LRRC66: variants seen among roughly 807,000 people sequenced by gnomAD.
The protein encoded by LRRC66 is leucine rich repeat containing 66, also known as leucine-rich repeat-containing protein 66.
Under a neutral mutation model 24.6 loss-of-function variants are expected in LRRC66, and 29 were observed. The observed-to-expected ratio is 1.18, with a 90% CI of 0.88 to 1.61. The LOEUF (loss-of-function observed/expected upper bound fraction) is 1.61, where lower values mean the gene tolerates loss of function less well. Among genes scored for constraint, LRRC66 ranks in the 40% most tolerant of loss-of-function variants. LRRC66 has a pLI of 0.00. For missense variants in LRRC66, 1,124 were observed against 1,058.0 expected, an observed-to-expected ratio of 1.06 and a Z score of -0.87; for synonymous variants, 411 against 397.6, an observed-to-expected ratio of 1.03 and a Z score of -0.40.
At position 51,995,908 on chromosome 4, in the gene LRRC66, G is replaced by T; in HGVS notation, c.1114C>A (p.Pro372Thr). 1 of 1,614,112 alleles carries T rather than the reference G, an allele frequency of 6.2e-7. No homozygotes were observed. The highest frequency in any genetic ancestry group is 1.1e-5 in the South Asian group (1 of 91,080). Residue 372 changes from proline to threonine, a missense_variant, in exon 5 of 5, where the codon CCC (proline) becomes ACC (threonine). Physicochemically the swap from Pro to Thr is conservative, Grantham distance 38 (BLOSUM62 -1). Transcript: ENST00000682860. ...CACACCGCCAGAGCCAGGTCCTGGG[G>T]AGCGTCCTCTTTTTTGCCGGCAGCC... Reference protein sequence around the residue: ...VQAAGKKEDAPQDLALAVCLS... With the variant: ...VQAAGKKEDATQDLALAVCLS...
At chr4:52,005,524 C>T (rs2030335) in intron 2 of LRRC66, among the ~76,000 whole-genome samples, 132,465 of 151,408 alleles carry the variant, frequency 0.87, 58,076 homozygotes, top group East Asian at 0.95. Context: ...GAGGCAGGGG[C>T]TGCAGTGAGC....
At position 51,994,325 on chromosome 4, in the gene LRRC66, G is replaced by A; in HGVS notation, c.*54C>T. 2 of 1,483,706 alleles carry A rather than the reference G, an allele frequency of 1.3e-6. No individual in the cohort carries two copies. The allele number at this position is 1,483,706 out of a possible 1,614,324, so 91.9% of individuals were successfully genotyped here. The stretch of plus-strand genomic sequence containing the variant: ...GAAGGCTTTAGTTTTCCCCTGCCAT[G>A]ATCTTTAAAAGAATATTGTTTAGAG... On this transcript the variant is annotated 3_prime_UTR_variant, in exon 5 of 5. Transcript: ENST00000682860.
rs1009660797 is a variant in LRRC66, at chr4:51,997,838, A to T, written c.766T>A (p.Trp256Arg). The part of the protein sequence containing the change: ...HLVVDLADNN[W>R]QCDDSVAVFQ... ...ACTGCCACACTATCATCACACTGCC[A>T]GTTATTATCAGCCAAGTCAACCACT... The change falls in exon 4 of 5, where the codon TGG (tryptophan) becomes AGG (arginine). Residue 256 changes from tryptophan to arginine, a missense_variant. Transcript: ENST00000682860. 10 of 1,614,002 alleles carry T rather than the reference A, an allele frequency of 6.2e-6. No individual in the cohort carries two copies. The African/African-American group carries it at 9.3e-5, about 15-fold the overall frequency.
At chr4:52,014,201 G>A (rs575952779) in intron 2 of LRRC66, among the ~76,000 whole-genome samples, 10 of 152,310 alleles carry the variant, frequency 6.6e-5, no homozygotes, top group East Asian at 5.8e-4. Flanking sequence ...GCGGGGAGCC[G>A]AGATCGTGCC....
At position 51,994,054 on chromosome 4, in the gene LRRC66, T is replaced by C. The variant is rs911882631; in HGVS notation, c.*325A>G. On this transcript the variant is annotated 3_prime_UTR_variant, in exon 5 of 5. Transcript: ENST00000682860. ...AACCTATTGATGAAGTGCTCCTGTG[T>C]TCTCAGTGAACTGGTTTTGTTTGGA... 2 of 238,868 alleles carry C rather than the reference T, an allele frequency of 8.4e-6. No individual in the cohort carries two copies. The highest frequency in any genetic ancestry group is 1.6e-5 in the Non-Finnish European group (2 of 123,942). The allele number at this position is 238,868 out of a possible 1,614,324, so 14.8% of individuals were successfully genotyped here. A position where few individuals can be genotyped will look rare whatever the true frequency, so the allele number is the denominator to read the frequency against.
At chr4:52,006,926 C>T (rs750748463) in intron 2 of LRRC66, among the ~76,000 whole-genome samples, 5 of 151,912 alleles carry the variant, frequency 3.3e-5, no homozygotes, top group Non-Finnish European at 1.5e-5. Flanking sequence ...CCAACAACAC[C>T]ATGGTAGGTG....
At chr4:51,997,627 T>TA in intron 4 of LRRC66, 121 bp downstream of exon 4, 1 of 836,270 alleles carries the variant, frequency 1.2e-6, no homozygotes, top group Non-Finnish European at 2.0e-6. Flanking sequence ...CAAGACTGAC[T>TA]AATGCCAAGG....
intron 1 of LRRC66, 187 bp from the exon 2 acceptor site, chr4:52,017,805 TA>T: frequency 1.0e-6 from 1 of 985,374 alleles, no homozygotes; most frequent in Non-Finnish European, 1.2e-6. Flanking sequence ...AGCCATAGTA[TA>T]AAATTACATT....
chr4:51,995,912 G>A lies in LRRC66; in HGVS notation c.1110C>T (p.Asp370=), dbSNP rs776537625. The change falls in exon 5 of 5, where the codon GAC becomes GAT. Residue 370 remains aspartate, a synonymous_variant. Coordinates refer to ENST00000682860, the MANE Select transcript of LRRC66 (RefSeq NM_001024611.3). ...CCGCCAGAGCCAGGTCCTGGGGAGC[G>A]TCCTCTTTTTTGCCGGCAGCCTGCA... The part of the protein sequence containing the change: ...RDVQAAGKKE[D]APQDLALAVC... The A allele has an allele frequency of 6.2e-7, 1 of 1,614,068 alleles. No individual in the cohort carries two copies. The highest frequency in any genetic ancestry group is 8.5e-7 in the Non-Finnish European group (1 of 1,180,020).
At chr4:52,013,842 ATCTC>A (rs1254465136) in intron 2 of LRRC66, among the ~76,000 whole-genome samples, 4 of 152,352 alleles carry the variant, frequency 2.6e-5, no homozygotes, top group South Asian at 2.1e-4. Flanking sequence ...GCTTTCTGAG[ATCTC>A]TCTAATTTAT....
At chr4:52,018,503 A>C in intron 1 of LRRC66, 9 of 985,334 alleles carry the variant, frequency 9.1e-6, no homozygotes, top group Non-Finnish European at 1.1e-5. Context: ...TTCTGTTCTA[A>C]TGGCACTCAG....
At chr4:52,018,352 T>C (rs1007489625) in intron 1 of LRRC66, 57 of 984,618 alleles carry the variant, frequency 5.8e-5, no homozygotes, top group African/African-American at 7.0e-5. Flanking sequence ...CAAATTACAA[T>C]GGCTGAATGT....
Position 51,994,457 on chromosome 4 carries a change from T to C in LRRC66, c.2565A>G (p.Thr855=). 2 of 1,614,240 alleles carry C rather than the reference T, an allele frequency of 1.2e-6. No individual in the cohort carries two copies. The highest frequency in any genetic ancestry group is 1.3e-5 in the African/African-American group (1 of 75,072). Residue 855 remains threonine (T), a synonymous_variant, in exon 5 of 5, where the codon ACA becomes ACG. Coordinates refer to ENST00000682860, the MANE Select transcript of LRRC66 (RefSeq NM_001024611.3). ...AGGGAACTTCAGCAGAACATGGTGGTGTTTGCTGTAAAACGTCCACATTTG... is the reference window on the plus strand; with the variant it reads ...AGGGAACTTCAGCAGAACATGGTGGCGTTTGCTGTAAAACGTCCACATTTG... ...EFSNVDVLQQ[T]PPCSAEVPSD...
In LRRC66 at chr4:51,995,189, C is replaced by T. The variant is rs1736267624; in HGVS notation, c.1833G>A (p.Gln611=). The T allele has an allele frequency of 6.2e-7, 1 of 1,614,094 alleles. No homozygotes were observed. The highest frequency in any genetic ancestry group is 1.3e-5 in the African/African-American group (1 of 74,938). Residue 611 remains glutamine (Q), a synonymous_variant, in exon 5 of 5, where the codon CAG becomes CAA. Transcript: ENST00000682860. Reference sequence around the variant, plus strand: ...ATTCCATCTGCGAGTCCCAAAGTGACTGTTCAGTGCCCCCTCTTTCCTTAC... The same window carrying T: ...ATTCCATCTGCGAGTCCCAAAGTGATTGTTCAGTGCCCCCTCTTTCCTTAC... The part of the protein sequence containing the change: ...GDSKERGGTE[Q]SLWDSQMEFS...
In LRRC66 at chr4:51,995,483, T is replaced by C; in HGVS notation, c.1539A>G (p.Pro513=). 1.9e-6 allele frequency: 3 copies of C among 1,614,182 alleles called. No homozygotes were observed. The highest frequency in any genetic ancestry group is 2.5e-6 in the Non-Finnish European group (3 of 1,180,022). Residue 513 remains proline, a synonymous_variant, in exon 5 of 5, where the codon CCA becomes CCG. Transcript: ENST00000682860. ...GAVYSILQRH[P]HAGNRELMSA... is the part of the protein sequence containing the mutation. ...ACATTAGTTCACGGTTACCGGCATG[T>C]GGATGTCTCTGGAGAATGGAATAGA...
intron 1 of LRRC66, among the ~76,000 whole-genome samples, chr4:52,019,661 C>A (rs1436565679): frequency 6.6e-6 from 1 of 151,888 alleles, no homozygotes; most frequent in East Asian, 1.9e-4. Context: ...ATTGATTTGC[C>A]CAGGAACAAA....
In LRRC66 at chr4:51,994,659, G is replaced by C; in HGVS notation, c.2363C>G (p.Thr788Ser). The C allele has an allele frequency of 3.7e-6, 6 of 1,614,180 alleles. No homozygotes were observed. Among genetic ancestry groups the C allele is most frequent in the Non-Finnish European group, 5.1e-6 (6 of 1,180,020 alleles). Residue 788 changes from threonine to serine, a missense_variant, in exon 5 of 5, where the codon ACT becomes AGT. By Grantham distance (58) the Thr-to-Ser change is moderately conservative. Coordinates refer to ENST00000682860, the MANE Select transcript of LRRC66 (RefSeq NM_001024611.3). Reference protein sequence around the residue: ...ISAPDSGMYKTHLENASDTDR... With the variant: ...ISAPDSGMYKSHLENASDTDR... The stretch of plus-strand genomic sequence containing the variant: ...AGTGTCAGAGGCATTTTCCAGATGA[G>C]TCTTGTACATGCCAGAGTCTGGAGC...
At chr4:52,020,263 A>G (rs1736914870) in intron 1 of LRRC66, among the ~76,000 whole-genome samples, 41 bp downstream of exon 1, 1 of 152,246 alleles carries the variant, frequency 6.6e-6, no homozygotes, top group Admixed American at 6.5e-5. Flanking sequence ...TATTTCGGGT[A>G]AGGACAAGAC....
Position 51,995,623 on chromosome 4 carries a change from CG to C in LRRC66, c.1398del (p.His466GlnfsTer4). On this transcript the variant is annotated frameshift_variant, in exon 5 of 5. Transcript: ENST00000682860. LOFTEE classifies it low-confidence loss of function (END_TRUNC). ...TPFWVTQPHP[H>X]ATVIPDRTLG... Reference sequence around the variant, plus strand: ...AGAGTTCTATCAGGAATTACGGTGGCGTGTGGGTGTGGCTGTGTCACCCAGA... The same window carrying C: ...AGAGTTCTATCAGGAATTACGGTGGCTGTGGGTGTGGCTGTGTCACCCAGA... The C allele has an allele frequency of 6.2e-7, 1 of 1,614,022 alleles. No homozygotes were observed. The highest frequency in any genetic ancestry group is 1.3e-5 in the African/African-American group (1 of 74,998).
Sources: allele counts gnomAD v4.1 joint callset (sites outside exome capture counted in the v4.1 genomes callset), GRCh38; gene constraint gnomAD v4.1.1; transcripts MANE v1.5; gene names NCBI Gene and HGNC (gene_info 2026-07-23, HGNC 2026-07-21).